The following PRKDC variants were observed in gnomAD, a reference collection of about 807,000 sequenced individuals.
PRKDC encodes the protein protein kinase, DNA-activated, catalytic subunit.
PRKDC carries 82 observed loss-of-function variants against 486.9 expected under a neutral mutation model. That is an observed-to-expected ratio of 0.17 (90% CI 0.14 to 0.20). The LOEUF is 0.20. Among genes scored for constraint, PRKDC ranks in the 10% least tolerant of loss-of-function variants. The pLI is 1.00. For synonymous variants in PRKDC, 1,895 were observed against 1,837.0 expected (o/e 1.03, Z -0.81); for missense variants, 4,504 against 5,038.2 (o/e 0.89, Z 3.21).
chr8:47,919,064 G>A (rs931756321), intron 21 of PRKDC, among the ~76,000 whole-genome samples: 4 of 151,876 alleles, frequency 2.6e-5, no homozygotes, highest in African/African-American at 7.3e-5. Context: ...CCACTGCCCC[G>A]AATGCTTCAA....
At chr8:47,824,791 G>T (rs2087695679) in intron 63 of PRKDC, among the ~76,000 whole-genome samples, 1 of 151,990 alleles carries the variant, frequency 6.6e-6, no homozygotes, top group Admixed American at 6.6e-5. Context: ...GTGTTTATGG[G>T]GTTTGTTCCC....
chr8:47,775,305 C>G (rs1175803967), intron 85 of PRKDC, among the ~76,000 whole-genome samples: 1 of 151,466 alleles, frequency 6.6e-6, no homozygotes, highest in Non-Finnish European at 1.5e-5. Flanking sequence ...TTTTTGCATG[C>G]CGCTTATTGG....
chr8:47,951,806 A>G (rs1047910993), intron 7 of PRKDC, among the ~76,000 whole-genome samples: 2 of 152,224 alleles, frequency 1.3e-5, no homozygotes, highest in African/African-American at 4.8e-5. Context: ...TGGGCAAAAG[A>G]TCTGAACAGA....
intron 7 of PRKDC, 51 bp downstream of exon 7, chr8:47,953,569 G>T: frequency 6.8e-7 from 1 of 1,472,514 alleles, no homozygotes; most frequent in Non-Finnish European, 9.4e-7. Context: ...GGCATTGCTG[G>T]TTAGACTTAC....
intron 74 of PRKDC, among the ~76,000 whole-genome samples, chr8:47,790,753 A>T (rs1335705034): frequency 6.6e-6 from 1 of 152,204 alleles, no homozygotes; most frequent in African/African-American, 2.4e-5. Flanking sequence ...CCCAGAAATA[A>T]ATTCACACAC....
At chr8:47,957,310 C>G (rs975057033) in intron 2 of PRKDC, 45 bp downstream of exon 2, 1 of 1,583,642 alleles carries the variant, frequency 6.3e-7, no homozygotes, top group Admixed American at 1.7e-5. Context: ...AGAGGAGTCA[C>G]TCCAGGAATA....
chr8:47,912,574 C>A lies in PRKDC; in HGVS notation c.2782-12G>T. 1 of 1,578,264 alleles carries A rather than the reference C, an allele frequency of 6.3e-7. No individual in the cohort carries two copies. ...TCACAGGCTGCAACCTAAAACAGAC[C>A]AGGAGGTCAGCAATGTTTAAGTTAT... On this transcript the variant is annotated splice_polypyrimidine_tract_variant and intron_variant, in intron 24 of 85. Coordinates refer to ENST00000314191, the MANE Select transcript of PRKDC (RefSeq NM_006904.7).
At chr8:47,803,201 T>C in intron 70 of PRKDC, 105 bp downstream of exon 70, 1 of 1,147,722 alleles carries the variant, frequency 8.7e-7, no homozygotes, top group Non-Finnish European at 1.2e-6. Flanking sequence ...ACTGCAAAGA[T>C]TTACCTCCCA....
chr8:47,927,926 T>C (rs1276669935), intron 19 of PRKDC, 36 bp from the exon 20 acceptor site: 1 of 1,425,976 alleles, frequency 7.0e-7, no homozygotes, highest in East Asian at 2.6e-5. Context: ...TATATCTGAA[T>C]AGAGCCTACA....
chr8:47,860,558 C>CAAACAACA (rs1466698163), intron 45 of PRKDC, among the ~76,000 whole-genome samples: 1 of 152,178 alleles, frequency 6.6e-6, no homozygotes, highest in Non-Finnish European at 1.5e-5. Flanking sequence ...CTAATGTAGA[C>CAAACAACA]TTCTGAATGT....
intron 18 of PRKDC, 56 bp downstream of exon 18, chr8:47,929,797 T>C (rs545800451): frequency 3.7e-4 from 552 of 1,478,146 alleles, no homozygotes; most frequent in South Asian, 6.8e-4. Context: ...GATACATTTA[T>C]ATATACTCAT....
At chr8:47,900,489 A>G (rs2089659350) in intron 27 of PRKDC, 22 bp from the exon 28 acceptor site, 1 of 1,552,524 alleles carries the variant, frequency 6.4e-7, no homozygotes, top group Non-Finnish European at 8.8e-7. Flanking sequence ...AGAATAGGAA[A>G]CCTCACCTAA....
rs926072607 is a variant in PRKDC at position 47,893,142 on chromosome 8, G to C, written c.3844C>G (p.Leu1282Val). The part of the protein sequence containing the change: ...GERTVGALQV[L>V]GTEAQSSLLK... ...GAATAAGGCAAGGGTGACCTACCTA[G>C]GACCTGGAGCGCTCCTACAGTTCTC... The change falls in exon 31 of 86, where the codon CTA becomes GTA. Residue 1282 changes from leucine to valine, a missense_variant. By Grantham distance (32) the Leu-to-Val change is conservative. Around this residue, in one of 6 missense-constraint regions of PRKDC, gnomAD observed 1,969 missense variants for 2,068.9 expected, o/e 0.95. Transcript: ENST00000314191. 1.9e-6 allele frequency: 3 copies of C among 1,596,744 alleles called. No homozygotes were observed. In the African/African-American group the frequency reaches 4.0e-5, roughly 21 times the overall value.
intron 52 of PRKDC, among the ~76,000 whole-genome samples, chr8:47,850,402 T>A (rs2088375707): frequency 6.6e-6 from 1 of 152,220 alleles, no homozygotes; most frequent in Non-Finnish European, 1.5e-5. Context: ...CTGGAGCATT[T>A]GAATTTTGAA....
At chr8:47,930,568 G>T in intron 17 of PRKDC, 104 bp downstream of exon 17, 1 of 1,205,758 alleles carries the variant, frequency 8.3e-7, no homozygotes, top group Non-Finnish European at 1.2e-6. Flanking sequence ...CACCGAACCC[G>T]GCCTATTATT....
chr8:47,856,747 A>C (rs1309848110), intron 49 of PRKDC, among the ~76,000 whole-genome samples: 1 of 152,222 alleles, frequency 6.6e-6, no homozygotes, highest in Non-Finnish European at 1.5e-5. Context: ...TGCTGGTATT[A>C]GTCAATACTC....
chr8:47,904,720 G>A (rs2089742934), intron 26 of PRKDC, 149 bp downstream of exon 26: 1 of 570,196 alleles, frequency 1.8e-6, no homozygotes, highest in Non-Finnish European at 3.1e-6. Context: ...TTGATCCTGG[G>A]AGGCGCAGGT....
rs2086549118 is a variant in PRKDC at position 47,773,138 on chromosome 8, C to T, written c.*1035G>A. The stretch of plus-strand genomic sequence containing the variant: ...TTGGAAAAAAACTTTATTAAACACT[C>T]AAGAGTATACTTCTCAAAATCACAG... On this transcript the variant is annotated 3_prime_UTR_variant, in exon 86 of 86. Transcript: ENST00000314191. 1 of 202,524 alleles carries T rather than the reference C, an allele frequency of 4.9e-6. No homozygotes were observed. Among genetic ancestry groups the T allele is most frequent in the Non-Finnish European group, 1.0e-5 (1 of 97,872 alleles). 12.5% of individuals were successfully genotyped at this position (202,524 alleles called of 1,614,324 possible).
intron 44 of PRKDC, among the ~76,000 whole-genome samples, chr8:47,861,304 T>A (rs527596118): frequency 6.6e-6 from 1 of 152,362 alleles, no homozygotes; most frequent in South Asian, 2.1e-4. Context: ...AATCTAGTTA[T>A]GATATATCAT....
Sources: gnomAD v4.1 joint callset for allele counts (sites outside exome capture counted in the v4.1 genomes callset) on GRCh38, gnomAD v4.1.1 for gene constraint, gnomAD v4.1.1 regional missense constraint, MANE v1.5 for transcripts, NCBI Gene and HGNC (gene_info 2026-07-23, HGNC 2026-07-21) for gene names.